Variants in HAT1 observed in about 807,000 individuals in gnomAD.
HAT1 encodes the protein histone acetyltransferase 1.
Under a neutral mutation model 56.6 loss-of-function variants are expected in HAT1, and 20 were observed. That is an observed-to-expected ratio of 0.35 (90% CI 0.25 to 0.51). HAT1 has a LOEUF of 0.51. Among genes scored for constraint, HAT1 ranks in the 20% least tolerant of loss-of-function variants. The pLI is 0.95. For synonymous variants in HAT1, 146 were observed against 165.5 expected (o/e 0.88, Z 0.91); for missense variants, 408 against 504.3 (o/e 0.81, Z 1.83).
intron 2 of HAT1, among the ~76,000 whole-genome samples, chr2:171,926,185 A>G (rs1686587883): frequency 6.6e-6 from 1 of 151,912 alleles, no homozygotes; most frequent in South Asian, 2.1e-4. Context: ...CGGCATGGTC[A>G]TAGCTCACTG....
intron 2 of HAT1, among the ~76,000 whole-genome samples, chr2:171,939,186 A>G (rs1686956502): frequency 6.6e-6 from 1 of 152,192 alleles, no homozygotes; most frequent in Admixed American, 6.6e-5. Context: ...GTGGTTGGGA[A>G]TTAATGCTCA....
intron 4 of HAT1, among the ~76,000 whole-genome samples, chr2:171,957,134 A>C (rs1687467280): frequency 6.6e-6 from 1 of 152,210 alleles, no homozygotes; most frequent in Non-Finnish European, 1.5e-5. Context: ...TTGACAGGAC[A>C]AAATGAAGGA....
chr2:171,932,369 G>A (rs1366971758), intron 2 of HAT1, among the ~76,000 whole-genome samples: 1 of 152,142 alleles, frequency 6.6e-6, no homozygotes, highest in Non-Finnish European at 1.5e-5. Context: ...ATGTTCAGTA[G>A]CATTCACCAG....
chr2:171,951,585 A>ATTT (rs35551729), intron 3 of HAT1, among the ~76,000 whole-genome samples: 6 of 121,670 alleles, frequency 4.9e-5, no homozygotes, highest in Admixed American at 1.7e-4. Flanking sequence ...ACACCTGCCT[A>ATTT]TTTTTTTTTT....
chr2:171,967,907 A>G (rs1236524050), intron 8 of HAT1, among the ~76,000 whole-genome samples: 1 of 28,500 alleles, frequency 3.5e-5, no homozygotes, highest in Non-Finnish European at 6.6e-5. Flanking sequence ...ACCCCCACCA[A>G]AAAAAAAATG....
chr2:171,948,598 G>T (rs1268901489), intron 3 of HAT1, among the ~76,000 whole-genome samples: 1 of 152,076 alleles, frequency 6.6e-6, no homozygotes, highest in Non-Finnish European at 1.5e-5. Context: ...TTCCTTTATA[G>T]CAATTTTCTC....
intron 2 of HAT1, among the ~76,000 whole-genome samples, chr2:171,928,590 TCTC>T (rs1334571187): frequency 6.6e-6 from 1 of 152,104 alleles, no homozygotes. Context: ...CTCAATGCGA[TCTC>T]CACCTTCTGG....
chr2:171,930,456 T>C (rs1276829649), intron 2 of HAT1, among the ~76,000 whole-genome samples: 1 of 152,200 alleles, frequency 6.6e-6, no homozygotes, highest in Non-Finnish European at 1.5e-5. Flanking sequence ...TGTGAGCCAC[T>C]GTGCCTGACC....
chr2:171,963,516 A>G (rs1174614839), intron 4 of HAT1, among the ~76,000 whole-genome samples: 1 of 152,212 alleles, frequency 6.6e-6, no homozygotes, highest in African/African-American at 2.4e-5. Flanking sequence ...TTGAGAAGAC[A>G]GGACATAAGG....
Position 171,947,576 on chromosome 2 carries a change from G to T in HAT1, c.188+793G>T, listed in dbSNP as rs547338533. 2.3e-4 allele frequency among the ~76,000 whole-genome samples: 35 copies of T among 152,262 alleles called. 1 individual carries two copies. The South Asian group carries it at 7.2e-3, about 32-fold the overall frequency. On this transcript the variant is annotated intron_variant, in intron 3 of 10. Coordinates refer to ENST00000264108, the MANE Select transcript of HAT1 (RefSeq NM_003642.4). Reference sequence around the variant, plus strand: ...TGCCCTGAAGTTTATTTTTTAGAAGGAACTTTAAATATATGTCCCAGGCCA... The same window carrying T: ...TGCCCTGAAGTTTATTTTTTAGAAGTAACTTTAAATATATGTCCCAGGCCA...
intron 4 of HAT1, among the ~76,000 whole-genome samples, chr2:171,955,290 A>G (rs759654217): frequency 6.6e-6 from 1 of 152,118 alleles, no homozygotes; most frequent in African/African-American, 2.4e-5. Flanking sequence ...ATTACCTTGA[A>G]TGGACTGTTG....
In HAT1 at chr2:171,949,108, T is replaced by G. The variant is rs2105321450; in HGVS notation, c.188+2325T>G. ...TTGTAAAATGGTAATTTTGTAACTC[T>G]TTTGTACCTTTTTCATTTATTAGTT... On this transcript the variant is annotated intron_variant, in intron 3 of 10. Transcript: ENST00000264108. Among the ~76,000 whole-genome samples the G allele has an allele frequency of 2.6e-5, 4 of 152,322 alleles. No homozygotes were observed. In the Middle Eastern group the frequency reaches 0.014, roughly 518 times the overall value.
chr2:171,972,657 G>A (rs1033696548), intron 8 of HAT1, among the ~76,000 whole-genome samples: 36 of 152,216 alleles, frequency 2.4e-4, no homozygotes, highest in African/African-American at 7.7e-4. Flanking sequence ...CTGCAGTGGC[G>A]ACAGCACAGA....
At chr2:171,954,031 G>A (rs1687381439) in intron 4 of HAT1, among the ~76,000 whole-genome samples, 2 of 152,082 alleles carry the variant, frequency 1.3e-5, no homozygotes, top group African/African-American at 4.8e-5. Context: ...CATATACTCA[G>A]TCTTTAGTTA....
intron 2 of HAT1, among the ~76,000 whole-genome samples, chr2:171,945,130 C>T (rs1687125701): frequency 2.0e-5 from 3 of 152,092 alleles, no homozygotes; most frequent in Non-Finnish European, 4.4e-5. Flanking sequence ...CTCAGCCTCC[C>T]AAAGTGCTGG....
At chr2:171,964,991 A>G (rs929164666) in intron 4 of HAT1, 4 of 170,248 alleles carry the variant, frequency 2.3e-5, no homozygotes, top group African/African-American at 9.5e-5. Flanking sequence ...TTTGACACAT[A>G]TAAAATAATA....
At chr2:171,980,153 C>T (rs1688096977) in intron 10 of HAT1, 1 of 152,100 alleles carries the variant, frequency 6.6e-6, no homozygotes, top group Non-Finnish European at 1.5e-5. Flanking sequence ...GGATAGTCTA[C>T]CATGGTTAGC....
At chr2:171,930,128 C>T (rs1412209963) in intron 2 of HAT1, among the ~76,000 whole-genome samples, 1 of 152,122 alleles carries the variant, frequency 6.6e-6, no homozygotes, top group Non-Finnish European at 1.5e-5. Flanking sequence ...AGTAAATCTA[C>T]ATCTTTTGAT....
rs191206504 is a variant in HAT1 at position 171,949,404 on chromosome 2, G to A, written c.188+2621G>A. ...ATTTTTAAAAATTTTTTGGCCGGGT[G>A]CAGTGGTTTAGACCTGTAATCCCAA... is the stretch of plus-strand genomic sequence containing the variant. On this transcript the variant is annotated intron_variant, in intron 3 of 10. Transcript: ENST00000264108. Among the ~76,000 whole-genome samples, 13 of 152,192 alleles carry A rather than the reference G, an allele frequency of 8.5e-5. No individual in the cohort carries two copies. The East Asian group carries it at 1.2e-3, about 14-fold the overall frequency.
Sources: gnomAD v4.1 joint callset for allele counts (sites outside exome capture counted in the v4.1 genomes callset) on GRCh38, gnomAD v4.1.1 for gene constraint, MANE v1.5 for transcripts, NCBI Gene and HGNC (gene_info 2026-07-23, HGNC 2026-07-21) for gene names.